VAV2: variants seen among roughly 807,000 people sequenced by gnomAD.
The protein encoded by VAV2 is guanine nucleotide exchange factor VAV2.
Under a neutral mutation model 132.5 loss-of-function variants are expected in VAV2, and 67 were observed. The ratio of observed to expected loss-of-function variants is 0.51; its 90% CI spans 0.42 to 0.62. The LOEUF is 0.62. Among genes scored for constraint, VAV2 ranks in the 20% least tolerant of loss-of-function variants. VAV2 has a pLI of 0.00. For missense variants in VAV2, 938 were observed against 1,153.6 expected (o/e 0.81, Z 2.71); for synonymous variants, 492 against 443.5 (o/e 1.11, Z -1.37).
intron 5 of VAV2, among the ~76,000 whole-genome samples, chr9:133,810,851 C>A (rs765275033): frequency 1.3e-5 from 2 of 152,258 alleles, no homozygotes; most frequent in Non-Finnish European, 2.9e-5. Context: ...GGATCCCCCA[C>A]ACAACCTCAC....
chr9:133,779,953 G>A lies in VAV2; in HGVS notation c.1741-14C>T, dbSNP rs112783794. ...TCCGGAGGCGTCCTGTGAGGACAAGGACAGAACACAGAGATGAGGGAAGGC... is the reference window on the plus strand; with the variant it reads ...TCCGGAGGCGTCCTGTGAGGACAAGAACAGAACACAGAGATGAGGGAAGGC... On this transcript the variant is annotated splice_polypyrimidine_tract_variant and intron_variant, in intron 20 of 29. Coordinates refer to ENST00000371850, the MANE Select transcript of VAV2 (RefSeq NM_001134398.2). 685 of 1,612,418 alleles carry A rather than the reference G, an allele frequency of 4.2e-4. No individual in the cohort carries two copies. The highest frequency in any genetic ancestry group is 5.4e-4 in the Non-Finnish European group (638 of 1,179,710).
At chr9:133,896,033 C>A (rs1839187782) in intron 2 of VAV2, among the ~76,000 whole-genome samples, 1 of 109,234 alleles carries the variant, frequency 9.2e-6, no homozygotes. Context: ...AGCAGATAAA[C>A]AAGTGAACAA....
Position 133,763,908 on chromosome 9 carries a change from G to T in VAV2, c.*154C>A. On this transcript the variant is annotated 3_prime_UTR_variant, in exon 30 of 30. Transcript: ENST00000371850. The surrounding 1 kb of genome is among the most constrained non-coding windows in gnomAD (Gnocchi z 6.8). Reference sequence around the variant, plus strand: ...GCAGGCTGACAGTGAAACGGTTCGAGTTTAGGATTCTCAACACCCTCCCTA... The same window carrying T: ...GCAGGCTGACAGTGAAACGGTTCGATTTTAGGATTCTCAACACCCTCCCTA... 1.1e-6 allele frequency: 1 copy of T among 906,074 alleles called. No individual in the cohort carries two copies. Among genetic ancestry groups the T allele is most frequent in the Non-Finnish European group, 1.7e-6 (1 of 581,348 alleles). 56.1% of individuals were successfully genotyped at this position (906,074 alleles called of 1,614,324 possible).
chr9:133,798,926 C>A (rs964039211), intron 9 of VAV2, among the ~76,000 whole-genome samples: 2 of 152,232 alleles, frequency 1.3e-5, no homozygotes, highest in Admixed American at 6.5e-5. Flanking sequence ...TGTCTGGAGG[C>A]TCCCCTGGCC....
chr9:133,947,502 C>T (rs1464950169), intron 1 of VAV2, among the ~76,000 whole-genome samples: 1 of 152,064 alleles, frequency 6.6e-6, no homozygotes, highest in East Asian at 1.9e-4. Context: ...GAGTTTGAGA[C>T]TATCCTGACC....
rs1440635990 is a variant in VAV2 at position 133,826,839 on chromosome 9, G to A, written c.449+7433C>T. 6.6e-6 allele frequency among the ~76,000 whole-genome samples: 1 copy of A among 152,186 alleles called. No homozygotes were observed. Among genetic ancestry groups the A allele is most frequent in the Non-Finnish European group, 1.5e-5 (1 of 68,022 alleles). ...GGGCAGAGGCAGGCGGCCTGGCCCT[G>A]CTGGGGACTGGGGTGTGCAGCCTAC... On this transcript the variant is annotated intron_variant, in intron 4 of 29. Coordinates refer to ENST00000371850, the MANE Select transcript of VAV2 (RefSeq NM_001134398.2). This position sits in a 1 kb window ranked among gnomAD's most constrained non-coding sequence, Gnocchi z 4.2.
chr9:133,788,387 G>C lies in VAV2; in HGVS notation c.1374C>G (p.Thr458=), dbSNP rs767482575. The C allele has an allele frequency of 3.1e-6, 5 of 1,611,242 alleles. No individual in the cohort carries two copies. Among genetic ancestry groups the C allele is most frequent in the South Asian group, 1.1e-5 (1 of 91,000 alleles). ...CGTCCTTGTTGTTCATGGGGTCGTC[G>C]GTCATCTTGTGGAACAGCAGCTCGA... The part of the protein sequence containing the change: ...EIIELLFHKM[T]DDPMNNKDVK... Residue 458 remains threonine (T), a synonymous_variant, in exon 15 of 30, where the codon ACC becomes ACG. Coordinates refer to ENST00000371850, the MANE Select transcript of VAV2 (RefSeq NM_001134398.2). This position sits in a 1 kb window ranked among gnomAD's most constrained non-coding sequence, Gnocchi z 5.3.
chr9:133,855,225 C>T (rs1472120384), intron 3 of VAV2, among the ~76,000 whole-genome samples: 1 of 152,232 alleles, frequency 6.6e-6, no homozygotes, highest in African/African-American at 2.4e-5. Flanking sequence ...GGACCCTTCA[C>T]CTTGGCTCAC....
At chr9:133,924,679 G>A (rs1403964357) in intron 2 of VAV2, among the ~76,000 whole-genome samples, 1 of 152,184 alleles carries the variant, frequency 6.6e-6, no homozygotes, top group Non-Finnish European at 1.5e-5. Context: ...AGCCTTCAGG[G>A]TCCAAGGGGC....
intron 1 of VAV2, among the ~76,000 whole-genome samples, chr9:133,954,173 A>G (rs1841665391): frequency 2.0e-5 from 3 of 152,174 alleles, no homozygotes; most frequent in Non-Finnish European, 4.4e-5. Context: ...TTCGAGAAGA[A>G]AGAGTCAATT....
At chr9:133,989,512 T>C (rs1429448814) in intron 1 of VAV2, among the ~76,000 whole-genome samples, 2 of 131,980 alleles carry the variant, frequency 1.5e-5, no homozygotes, top group Non-Finnish European at 3.1e-5. Context: ...AGAGCGAGAC[T>C]CTATCTCAAA....
rs746975147 is a variant in VAV2, at chr9:133,861,362, C to T, written c.380+12G>A. 12 of 1,609,468 alleles carry T rather than the reference C, an allele frequency of 7.5e-6. No individual in the cohort carries two copies. Among genetic ancestry groups the T allele is most frequent in the Admixed American group, 1.7e-5 (1 of 59,458 alleles). ...AGGACCCGGCCTTGGCAGCGCACTC[C>T]GGAGAGCTCACCTGATCCCTTTGTT... is the stretch of plus-strand genomic sequence containing the variant. On this transcript the variant is annotated intron_variant, in intron 3 of 29. Transcript: ENST00000371850.
At chr9:133,781,015 G>C (rs1833988435) in intron 19 of VAV2, among the ~76,000 whole-genome samples, 1 of 152,228 alleles carries the variant, frequency 6.6e-6, no homozygotes, top group Non-Finnish European at 1.5e-5. Flanking sequence ...CACCTCTTTT[G>C]AATGGCGGCA....
intron 1 of VAV2, among the ~76,000 whole-genome samples, chr9:133,941,527 A>C (rs979625415): frequency 6.6e-6 from 1 of 150,754 alleles, no homozygotes; most frequent in Non-Finnish European, 1.5e-5. Context: ...AAAACACTCC[A>C]TGATCTTTGT....
chr9:133,867,900 T>C (rs552029171), intron 2 of VAV2, among the ~76,000 whole-genome samples: 26 of 152,286 alleles, frequency 1.7e-4, no homozygotes, highest in African/African-American at 6.0e-4. Flanking sequence ...CCAGCATCGT[T>C]TCCTGAACCA....
intron 1 of VAV2, among the ~76,000 whole-genome samples, chr9:133,964,898 C>G (rs541946225): frequency 1.3e-5 from 2 of 152,248 alleles, no homozygotes; most frequent in South Asian, 2.1e-4. Flanking sequence ...AGCTTTTTCT[C>G]TAAGAACTGG....
In VAV2 at chr9:133,880,721, T is replaced by C. The variant is rs562411024; in HGVS notation, c.322-19289A>G. On this transcript the variant is annotated intron_variant, in intron 2 of 29. Coordinates refer to ENST00000371850, the MANE Select transcript of VAV2 (RefSeq NM_001134398.2). ...TCATTGTAACCAAAGCACCAACTACTGTGAGGTATGGATGGGGGACCCGGG... is the reference window on the plus strand; with the variant it reads ...TCATTGTAACCAAAGCACCAACTACCGTGAGGTATGGATGGGGGACCCGGG... Among the ~76,000 whole-genome samples the C allele has an allele frequency of 9.2e-5, 14 of 152,338 alleles. No homozygotes were observed. The South Asian group carries it at 2.1e-3, about 23-fold the overall frequency.
In VAV2 at chr9:133,822,087, C is replaced by T. The variant is rs1485006593; in HGVS notation, c.450-9871G>A. Among the ~76,000 whole-genome samples the T allele has an allele frequency of 3.3e-5, 5 of 152,324 alleles. 1 individual carries two copies. The South Asian group carries it at 1.0e-3, about 32-fold the overall frequency. ...CCGAGACCCTGAGGCCCCAGCCCAA[C>T]AACCTCGCCCACCTGCCCCGATTCT... is the stretch of plus-strand genomic sequence containing the variant. On this transcript the variant is annotated intron_variant, in intron 4 of 29. Coordinates refer to ENST00000371850, the MANE Select transcript of VAV2 (RefSeq NM_001134398.2).
rs138648379 is a variant in VAV2 at position 133,907,424 on chromosome 9, C to T, written c.321+31679G>A. On this transcript the variant is annotated intron_variant, in intron 2 of 29. Transcript: ENST00000371850. ...TGGCACTTGTCCCTCATACAAAAGA[C>T]AGAAGGAACCTCACAGCCACGCCCC... is the stretch of plus-strand genomic sequence containing the variant. 7.9e-3 allele frequency among the ~76,000 whole-genome samples: 1,198 copies of T among 152,354 alleles called. 19 individuals carry two copies. The highest frequency in any genetic ancestry group is 0.027 in the African/African-American group (1,122 of 41,580).
Sources: allele counts gnomAD v4.1 joint callset (sites outside exome capture counted in the v4.1 genomes callset), GRCh38; gene constraint gnomAD v4.1.1; non-coding constraint Gnocchi (gnomAD v3.1); transcripts MANE v1.5; gene names NCBI Gene and HGNC (gene_info 2026-07-23, HGNC 2026-07-21).